The following STAU2 variants were observed in gnomAD, a reference collection of about 807,000 sequenced individuals.
The protein encoded by STAU2 is staufen double-stranded RNA binding protein 2.
In STAU2, 20 loss-of-function variants were observed where a neutral mutation model predicts 65.9. That is an observed-to-expected ratio of 0.30 (90% CI 0.21 to 0.44). The LOEUF (loss-of-function observed/expected upper bound fraction) is 0.44, where lower values mean the gene tolerates loss of function less well. Ranked by LOEUF, STAU2 falls within the 20% of genes least tolerant of loss-of-function variation. The pLI, the probability that STAU2 is intolerant of heterozygous loss-of-function variation, is 1.00. For missense variants in STAU2, 558 were observed against 683.9 expected, an observed-to-expected ratio of 0.82 and a Z score of 2.05; for synonymous variants, 232 against 233.9, an observed-to-expected ratio of 0.99 and a Z score of 0.07.
At chr8:73,465,808 T>C (rs1337688985) in intron 13 of STAU2, among the ~76,000 whole-genome samples, 2 of 152,158 alleles carry the variant, frequency 1.3e-5, no homozygotes, top group African/African-American at 4.8e-5. Flanking sequence ...CCTGTCTTCA[T>C]TTATTTATTT....
chr8:73,422,591 A>C, intron 14 of STAU2, 23 bp downstream of exon 14: 1 of 1,486,946 alleles, frequency 6.7e-7, no homozygotes, highest in East Asian at 2.6e-5. Flanking sequence ...AAGTGTAAGA[A>C]TACTGACAGG....
intron 6 of STAU2, among the ~76,000 whole-genome samples, chr8:73,664,639 C>A (rs1016946531): frequency 6.6e-6 from 1 of 152,156 alleles, no homozygotes. Context: ...GAATAAACTT[C>A]ATTTAATCAT....
intron 13 of STAU2, among the ~76,000 whole-genome samples, chr8:73,516,183 G>A (rs1822716027): frequency 6.6e-6 from 1 of 151,774 alleles, no homozygotes; most frequent in Admixed American, 6.6e-5. Flanking sequence ...CAAGCAGTCT[G>A]CCCACCTTGG....
At chr8:73,687,718 T>C (rs1355268483) in intron 5 of STAU2, among the ~76,000 whole-genome samples, 2 of 150,760 alleles carry the variant, frequency 1.3e-5, no homozygotes, top group African/African-American at 4.9e-5. Context: ...CATTTTTGTT[T>C]GTTTGTTTTT....
intron 3 of STAU2, among the ~76,000 whole-genome samples, chr8:73,715,035 A>G (rs1440919693): frequency 6.6e-6 from 1 of 150,830 alleles, no homozygotes. Flanking sequence ...TGGAACCAAG[A>G]TCGCACCACT....
At chr8:73,575,905 T>G (rs1809512514) in intron 12 of STAU2, among the ~76,000 whole-genome samples, 1 of 152,114 alleles carries the variant, frequency 6.6e-6, no homozygotes, top group South Asian at 2.1e-4. Flanking sequence ...GTTTTGCATT[T>G]TTAATTTTTC....
chr8:73,511,107 A>T lies in STAU2; in HGVS notation c.1530+40905T>A, dbSNP rs139098585. Among the ~76,000 whole-genome samples the T allele has an allele frequency of 3.4e-4, 52 of 152,312 alleles. 1 individual carries two copies. The South Asian group carries it at 7.2e-3, about 21-fold the overall frequency. ...TGGCTACTTATGGTGTCGGTGCATG[A>T]GATGCTCTATCTTATCCACGAAGGG... On this transcript the variant is annotated intron_variant, in intron 13 of 14. Transcript: ENST00000524300.
At chr8:73,499,114 A>G (rs1208702598) in intron 13 of STAU2, among the ~76,000 whole-genome samples, 3 of 151,914 alleles carry the variant, frequency 2.0e-5, no homozygotes, top group South Asian at 4.2e-4. Context: ...CTTCAACTCA[A>G]ACTGCAATAT....
chr8:73,542,904 T>A (rs908155409), intron 13 of STAU2, among the ~76,000 whole-genome samples: 6 of 152,206 alleles, frequency 3.9e-5, no homozygotes. Flanking sequence ...ACACTTACCA[T>A]GTGATCCAGC....
At chr8:73,620,686 A>G (rs1813163088) in intron 6 of STAU2, among the ~76,000 whole-genome samples, 1 of 152,210 alleles carries the variant, frequency 6.6e-6, no homozygotes, top group Admixed American at 6.5e-5. Context: ...TATCAGAGGA[A>G]AAATTAAGTA....
chr8:73,731,948 T>A (rs1806100605), intron 3 of STAU2, among the ~76,000 whole-genome samples: 1 of 151,966 alleles, frequency 6.6e-6, no homozygotes, highest in African/African-American at 2.4e-5. Flanking sequence ...CAAAAAAAGC[T>A]AAAAAAAATT....
intron 13 of STAU2, among the ~76,000 whole-genome samples, chr8:73,471,279 C>A (rs1189279181): frequency 1.3e-5 from 2 of 150,926 alleles, no homozygotes; most frequent in Middle Eastern, 3.2e-3. Flanking sequence ...CTCAAGCAAT[C>A]CTCCAGCCTT....
chr8:73,691,050 T>C (rs1327854647), intron 4 of STAU2, among the ~76,000 whole-genome samples: 1 of 152,088 alleles, frequency 6.6e-6, no homozygotes, highest in Non-Finnish European at 1.5e-5. Flanking sequence ...AAAACAGAAA[T>C]ACCCACATAA....
chr8:73,456,801 G>C (rs1306663224), intron 13 of STAU2, among the ~76,000 whole-genome samples: 9 of 152,062 alleles, frequency 5.9e-5, no homozygotes, highest in Non-Finnish European at 1.3e-4. Context: ...AACACATTTG[G>C]GCATCTATTT....
At chr8:73,583,803 G>T (rs894541516) in intron 11 of STAU2, among the ~76,000 whole-genome samples, 1 of 152,124 alleles carries the variant, frequency 6.6e-6, no homozygotes, top group Non-Finnish European at 1.5e-5. Context: ...TTAGTGTTTG[G>T]TATAAAATAC....
intron 13 of STAU2, among the ~76,000 whole-genome samples, chr8:73,471,780 T>C (rs1298132673): frequency 7.8e-6 from 1 of 128,026 alleles, no homozygotes; most frequent in Non-Finnish European, 1.6e-5. Flanking sequence ...ATTGCGTCAC[T>C]GCACTCCCGC....
rs1161291550 is a variant in STAU2, at chr8:73,613,159, G to A, written c.891+585C>T. Among the ~76,000 whole-genome samples the A allele has an allele frequency of 2.6e-5, 4 of 152,344 alleles. No individual in the cohort carries two copies. In the East Asian group the frequency reaches 7.7e-4, roughly 29 times the overall value. On this transcript the variant is annotated intron_variant, in intron 9 of 14. Transcript: ENST00000524300. ...TGTGGATTAAATGTGATTAAAGCAT[G>A]CAAAGTGTTGGGACAAAGTCTGGCA...
chr8:73,569,202 C>T (rs112234716), intron 12 of STAU2, among the ~76,000 whole-genome samples: 15,548 of 151,978 alleles, frequency 0.1, 1,367 homozygotes, highest in African/African-American at 0.21. Context: ...TACAGAGCCT[C>T]GCTCACTGCT....
At chr8:73,453,774 A>C (rs1818922169) in intron 13 of STAU2, among the ~76,000 whole-genome samples, 1 of 152,050 alleles carries the variant, frequency 6.6e-6, no homozygotes, top group Non-Finnish European at 1.5e-5. Context: ...AGTACAAATA[A>C]CATCTTTTTT....
Sources: gnomAD v4.1 joint callset for allele counts (sites outside exome capture counted in the v4.1 genomes callset) on GRCh38, gnomAD v4.1.1 for gene constraint, MANE v1.5 for transcripts, NCBI Gene and HGNC (gene_info 2026-07-23, HGNC 2026-07-21) for gene names.